Variants in NBEA observed in about 807,000 individuals in gnomAD.
NBEA encodes the protein neurobeachin.
NBEA carries 44 observed loss-of-function variants against 343.4 expected under a neutral mutation model. The observed-to-expected ratio is 0.13, with a 90% CI of 0.10 to 0.16. The LOEUF is 0.16. Ranked by LOEUF, NBEA falls within the 10% of genes least tolerant of loss-of-function variation. The pLI, the probability that NBEA is intolerant of heterozygous loss-of-function variation, is 1.00. For synonymous variants in NBEA, 1,175 were observed against 1,238.7 expected, an observed-to-expected ratio of 0.95 and a Z score of 1.08; for missense variants, 2,555 against 3,631.3, an observed-to-expected ratio of 0.70 and a Z score of 7.62.
At chr13:35,572,811 A>C (rs1020910366) in intron 45 of NBEA, among the ~76,000 whole-genome samples, 2 of 152,036 alleles carry the variant, frequency 1.3e-5, no homozygotes, top group African/African-American at 4.8e-5. Context: ...TTGGCTCACT[A>C]CAATCTCAAC....
intron 35 of NBEA, among the ~76,000 whole-genome samples, chr13:35,296,162 C>T (rs1039765502): frequency 2.6e-5 from 4 of 151,960 alleles, no homozygotes; most frequent in Admixed American, 6.6e-5. Flanking sequence ...GAGGCCAAGG[C>T]AGGTGGATCA....
intron 34 of NBEA, among the ~76,000 whole-genome samples, chr13:35,243,208 G>T (rs926458022): frequency 6.6e-6 from 1 of 151,718 alleles, no homozygotes; most frequent in African/African-American, 2.4e-5. Flanking sequence ...AGTTTAAAAT[G>T]AACTGTTATA....
At chr13:35,131,659 G>A (rs2067436749) in intron 17 of NBEA, among the ~76,000 whole-genome samples, 2 of 152,068 alleles carry the variant, frequency 1.3e-5, no homozygotes, top group African/African-American at 4.8e-5. Context: ...CACCACCCCT[G>A]TTTGACATCC....
At chr13:35,092,862 G>C (rs1220688516) in intron 10 of NBEA, among the ~76,000 whole-genome samples, 1 of 151,976 alleles carries the variant, frequency 6.6e-6, no homozygotes, top group East Asian at 1.9e-4. Flanking sequence ...TATGAGAAAT[G>C]AATGGAAATC....
At position 35,362,408 on chromosome 13, in the gene NBEA, G is replaced by T. The variant is rs944276122; in HGVS notation, c.6179+10085G>T. On this transcript the variant is annotated intron_variant, in intron 38 of 58. Transcript: ENST00000379939. ...ATTAAATTTACCATTCTCTAATAAA[G>T]ATTATGAATTATTAAGATGAGAAAA... Among the ~76,000 whole-genome samples, 6 of 151,750 alleles carry T rather than the reference G, an allele frequency of 4.0e-5. No individual in the cohort carries two copies. The East Asian group carries it at 1.2e-3, about 29-fold the overall frequency.
chr13:34,956,902 C>T (rs1157404444), intron 1 of NBEA, among the ~76,000 whole-genome samples: 6 of 152,064 alleles, frequency 3.9e-5, no homozygotes, highest in Admixed American at 1.3e-4. Context: ...CCGCCCACCT[C>T]GGCCTCCCAA....
At chr13:35,359,177 A>T (rs1401345560) in intron 38 of NBEA, among the ~76,000 whole-genome samples, 1 of 152,232 alleles carries the variant, frequency 6.6e-6, no homozygotes, top group Non-Finnish European at 1.5e-5. Flanking sequence ...TCTGGCTGTT[A>T]TGTGAAGACA....
chr13:35,452,349 C>G, intron 40 of NBEA, 114 bp downstream of exon 40: 1 of 738,210 alleles, frequency 1.4e-6, no homozygotes, highest in Non-Finnish European at 2.3e-6. Flanking sequence ...AATGCTCAAT[C>G]ACATGAATGT....
intron 10 of NBEA, among the ~76,000 whole-genome samples, chr13:35,085,332 C>T (rs1163778648): frequency 6.6e-5 from 10 of 152,218 alleles, no homozygotes; most frequent in Non-Finnish European, 1.5e-4. Context: ...CAAAAATCCT[C>T]AATAAAATAC....
intron 41 of NBEA, among the ~76,000 whole-genome samples, chr13:35,525,070 G>A (rs2077902511): frequency 6.6e-6 from 1 of 151,998 alleles, no homozygotes; most frequent in Non-Finnish European, 1.5e-5. Context: ...ATTTTTCAGA[G>A]AATATTTAAA....
intron 24 of NBEA, among the ~76,000 whole-genome samples, 178 bp downstream of exon 24, chr13:35,164,687 T>C (rs2069852705): frequency 6.6e-6 from 1 of 152,154 alleles, no homozygotes. Context: ...TCCAGCTGTG[T>C]GTGCTTATGA....
chr13:35,624,077 TGTGA>T (rs1488468326), intron 48 of NBEA, among the ~76,000 whole-genome samples: 3 of 140,670 alleles, frequency 2.1e-5, no homozygotes, highest in African/African-American at 9.2e-5. Context: ...TGTGTGTGTG[TGTGA>T]GAATTGCATC....
chr13:35,128,354 A>G (rs2067239258), intron 17 of NBEA, among the ~76,000 whole-genome samples: 1 of 152,164 alleles, frequency 6.6e-6, no homozygotes, highest in African/African-American at 2.4e-5. Flanking sequence ...TAAAATAGAA[A>G]CATTCATAAA....
intron 39 of NBEA, among the ~76,000 whole-genome samples, chr13:35,439,845 G>C (rs1322532617): frequency 1.3e-5 from 2 of 152,012 alleles, no homozygotes; most frequent in African/African-American, 4.8e-5. Context: ...TTACTCAGTT[G>C]CTATTTTTTT....
At chr13:35,575,458 C>A (rs1442227176) in intron 45 of NBEA, among the ~76,000 whole-genome samples, 1 of 152,074 alleles carries the variant, frequency 6.6e-6, no homozygotes, top group Non-Finnish European at 1.5e-5. Flanking sequence ...TTTTTGTACT[C>A]TATTTTAATT....
chr13:35,353,017 A>G (rs1188955844), intron 38 of NBEA, among the ~76,000 whole-genome samples: 1 of 152,068 alleles, frequency 6.6e-6, no homozygotes, highest in Non-Finnish European at 1.5e-5. Context: ...TCCTTTTTAT[A>G]TTATGTTTTT....
intron 22 of NBEA, among the ~76,000 whole-genome samples, 159 bp downstream of exon 22, chr13:35,160,191 T>G (rs773166992): frequency 3.9e-5 from 6 of 152,154 alleles, no homozygotes; most frequent in Non-Finnish European, 8.8e-5. Flanking sequence ...ATTTCATGTA[T>G]GTAAGAAACT....
At chr13:35,095,453 A>C (rs1414394543) in intron 10 of NBEA, among the ~76,000 whole-genome samples, 1 of 151,664 alleles carries the variant, frequency 6.6e-6, no homozygotes, top group Non-Finnish European at 1.5e-5. Flanking sequence ...AAATATGCTA[A>C]TTTATAAGAG....
At chr13:35,353,747 C>T (rs979337083) in intron 38 of NBEA, among the ~76,000 whole-genome samples, 1 of 151,940 alleles carries the variant, frequency 6.6e-6, no homozygotes, top group Non-Finnish European at 1.5e-5. Flanking sequence ...TCCATTTTAC[C>T]GGGAAGAACC....
Sources: allele counts gnomAD v4.1 joint callset (sites outside exome capture counted in the v4.1 genomes callset), GRCh38; gene constraint gnomAD v4.1.1; transcripts MANE v1.5; gene names NCBI Gene and HGNC (gene_info 2026-07-23, HGNC 2026-07-21).